ZNF121: variants seen among roughly 807,000 people sequenced by gnomAD.
The protein encoded by ZNF121 is zinc finger protein 121 (clone ZHC32).
ZNF121 carries 1 observed loss-of-function variant against 2.4 expected under a neutral mutation model. The ratio of observed to expected loss-of-function variants is 0.41; its 90% CI spans 0.15 to 1.94. The LOEUF (loss-of-function observed/expected upper bound fraction) is 1.94. Ranked by LOEUF, ZNF121 falls within the 30% of genes most tolerant of loss-of-function variation. The probability of loss-of-function intolerance (pLI) is 0.30; values close to 1 mark genes in which losing one functional copy is unlikely to be tolerated. For missense variants in ZNF121, 369 were observed against 466.3 expected (o/e 0.79, Z 1.92); for synonymous variants, 173 against 158.6 (o/e 1.09, Z -0.68).
At chr19:9,568,045 T>A in intron 3 of ZNF121, 50 bp downstream of exon 3, 1 of 1,518,438 alleles carries the variant, frequency 6.6e-7, no homozygotes, top group Non-Finnish European at 8.9e-7. Context: ...TTTTTATAAT[T>A]GAATCCCAAT....
At chr19:9,579,796 A>T (rs773156762) in intron 1 of ZNF121, among the ~76,000 whole-genome samples, 1 of 152,252 alleles carries the variant, frequency 6.6e-6, no homozygotes, top group African/African-American at 2.4e-5. Context: ...AGCTAAGAGA[A>T]TAACTTGATT....
intron 3 of ZNF121, 31 bp downstream of exon 3, chr19:9,568,064 G>A: frequency 6.5e-7 from 1 of 1,528,664 alleles, no homozygotes; most frequent in Non-Finnish European, 8.9e-7. Flanking sequence ...ATCTTTTTTT[G>A]AGTGTGGTAA....
In ZNF121 at chr19:9,573,076, G is replaced by A. The variant is rs563905512; in HGVS notation, c.-159-3994C>T. On this transcript the variant is annotated intron_variant, in intron 1 of 3. Transcript: ENST00000320451. ...CAATAAAAACCACAAGCCAGACAAA[G>A]ACTGTAATAAATAACTAATCCTTCA... Among the ~76,000 whole-genome samples the A allele has an allele frequency of 3.3e-5, 5 of 152,210 alleles. No individual in the cohort carries two copies. In the South Asian group the frequency reaches 8.3e-4, roughly 25 times the overall value.
intron 1 of ZNF121, among the ~76,000 whole-genome samples, chr19:9,577,833 G>C (rs112795122): frequency 0.034 from 5,186 of 152,054 alleles, 308 homozygotes; most frequent in African/African-American, 0.12. Context: ...TGGATCATTA[G>C]GTCAGGAGTT....
chr19:9,569,915 G>T (rs1405602589), intron 1 of ZNF121, among the ~76,000 whole-genome samples: 2 of 147,568 alleles, frequency 1.4e-5, no homozygotes, highest in Admixed American at 6.8e-5. Context: ...TTATATCATG[G>T]GTAGTATTAC....
intron 3 of ZNF121, 63 bp downstream of exon 3, chr19:9,568,032 G>A (rs986125163): frequency 4.0e-6 from 6 of 1,496,212 alleles, no homozygotes; most frequent in African/African-American, 1.4e-5. Context: ...CATTTTTGCT[G>A]ATTTTTTATA....
intron 1 of ZNF121, among the ~76,000 whole-genome samples, chr19:9,581,457 CTCTT>C (rs1390226097): frequency 2.6e-5 from 4 of 152,092 alleles, no homozygotes; most frequent in East Asian, 3.9e-4. Flanking sequence ...CTAGAAAGTC[CTCTT>C]TCTAAGTAAG....
chr19:9,568,090 C>A lies in ZNF121; in HGVS notation c.3+5G>T. On this transcript the variant is annotated splice_donor_5th_base_variant and intron_variant, in intron 3 of 3. Coordinates refer to ENST00000320451, the MANE Select transcript of ZNF121 (RefSeq NM_001008727.5). ...AGTGTGGTAAATAAGAAATCTTAATCTTACCATTTGTATGCCGTTTGATGT... is the reference window on the plus strand; with the variant it reads ...AGTGTGGTAAATAAGAAATCTTAATATTACCATTTGTATGCCGTTTGATGT... 1 of 1,553,402 alleles carries A rather than the reference C, an allele frequency of 6.4e-7. No individual in the cohort carries two copies.
At chr19:9,571,856 A>T (rs570403072) in intron 1 of ZNF121, among the ~76,000 whole-genome samples, 1 of 152,288 alleles carries the variant, frequency 6.6e-6, no homozygotes, top group East Asian at 1.9e-4. Flanking sequence ...CCCGGGCTCA[A>T]GCAATCCTCC....
rs1428610276 is a variant in ZNF121 at position 9,565,418 on chromosome 19, C to G, written c.*522G>C. On this transcript the variant is annotated 3_prime_UTR_variant, in exon 4 of 4. Coordinates refer to ENST00000320451, the MANE Select transcript of ZNF121 (RefSeq NM_001008727.5). Reference sequence around the variant, plus strand: ...GGAGCAGTGGCTCACTCCTATAATCCCAGCACTTTGGGAGGCCAAGGCGGG... The same window carrying G: ...GGAGCAGTGGCTCACTCCTATAATCGCAGCACTTTGGGAGGCCAAGGCGGG... The G allele has an allele frequency of 7.4e-6, 1 of 135,956 alleles. No homozygotes were observed. Among genetic ancestry groups the G allele is most frequent in the Non-Finnish European group, 1.5e-5 (1 of 64,820 alleles). 8.4% of individuals were successfully genotyped at this position (135,956 alleles called of 1,614,324 possible). A position where few individuals can be genotyped will look rare whatever the true frequency, so the allele number is the denominator to read the frequency against.
At position 9,571,144 on chromosome 19, in the gene ZNF121, C is replaced by T. The variant is rs147325068; in HGVS notation, c.-159-2062G>A. On this transcript the variant is annotated intron_variant, in intron 1 of 3. Coordinates refer to ENST00000320451, the MANE Select transcript of ZNF121 (RefSeq NM_001008727.5). ...TGTTAGGCATTATGGGCCACATGGT[C>T]TCTGTTGCAGCTACTCAACTCTGCT... 1.8e-4 allele frequency among the ~76,000 whole-genome samples: 27 copies of T among 152,302 alleles called. 1 individual carries two copies. The highest frequency in any genetic ancestry group is 7.2e-4 in the Admixed American group (11 of 15,288).
chr19:9,578,302 G>A (rs1031063312), intron 1 of ZNF121, among the ~76,000 whole-genome samples: 6 of 152,088 alleles, frequency 3.9e-5, no homozygotes, highest in Non-Finnish European at 7.4e-5. Context: ...GCTGAGGCAG[G>A]AGAATTCCTT....
intron 2 of ZNF121, among the ~76,000 whole-genome samples, chr19:9,568,515 C>T (rs1489881232): frequency 6.6e-6 from 1 of 151,970 alleles, no homozygotes; most frequent in Non-Finnish European, 1.5e-5. Context: ...GCTTGGATTA[C>T]AGGTGCCCAC....
At position 9,565,355 on chromosome 19, in the gene ZNF121, A is replaced by C. The variant is rs1364381115; in HGVS notation, c.*585T>G. The C allele has an allele frequency of 1.7e-5, 1 of 57,604 alleles. No individual in the cohort carries two copies. Among genetic ancestry groups the C allele is most frequent in the Non-Finnish European group, 2.9e-5 (1 of 33,990 alleles). 3.6% of individuals were successfully genotyped at this position (57,604 alleles called of 1,614,324 possible). A position where few individuals can be genotyped will look rare whatever the true frequency, so the allele number is the denominator to read the frequency against. On this transcript the variant is annotated 3_prime_UTR_variant, in exon 4 of 4. Transcript: ENST00000320451. ...GAATGTGTATTAACAACGACTTACA[A>C]AAAAAAAAAAAAAAAAAAAAAAAAA... is the stretch of plus-strand genomic sequence containing the variant.
intron 1 of ZNF121, among the ~76,000 whole-genome samples, chr19:9,571,634 C>T (rs192891635): frequency 1.5e-3 from 224 of 152,276 alleles, no homozygotes; most frequent in African/African-American, 2.6e-3. Context: ...TGTCAGTTCT[C>T]GAGGTCTCTG....
intron 1 of ZNF121, among the ~76,000 whole-genome samples, chr19:9,573,601 C>T (rs2074189053): frequency 6.6e-6 from 1 of 151,858 alleles, no homozygotes; most frequent in African/African-American, 2.4e-5. Flanking sequence ...AAGGAAATAA[C>T]AAGATTCCAA....
chr19:9,579,911 G>A (rs1024709536), intron 1 of ZNF121, among the ~76,000 whole-genome samples: 1 of 152,160 alleles, frequency 6.6e-6, no homozygotes, highest in African/African-American at 2.4e-5. Context: ...CAGAAAACAT[G>A]TACGTCTATT....
intron 2 of ZNF121, among the ~76,000 whole-genome samples, 184 bp downstream of exon 2, chr19:9,568,818 G>C (rs2074152915): frequency 6.6e-6 from 1 of 152,150 alleles, no homozygotes; most frequent in Non-Finnish European, 1.5e-5. Flanking sequence ...GCACTCATTT[G>C]CAAAATCACA....
At chr19:9,571,953 T>C (rs1286995530) in intron 1 of ZNF121, among the ~76,000 whole-genome samples, 1 of 152,156 alleles carries the variant, frequency 6.6e-6, no homozygotes, top group East Asian at 1.9e-4. Context: ...ACTATAGACA[T>C]GAGGTTTCAC....
Sources: gnomAD v4.1 joint callset for allele counts (sites outside exome capture counted in the v4.1 genomes callset) on GRCh38, gnomAD v4.1.1 for gene constraint, MANE v1.5 for transcripts, NCBI Gene and HGNC (gene_info 2026-07-23, HGNC 2026-07-21) for gene names.